The following RAD51B variants were observed in gnomAD, a reference collection of about 807,000 sequenced individuals.
RAD51B encodes DNA repair protein RAD51 homolog 2.
A neutral mutation model predicts 42.2 loss-of-function variants in RAD51B; 38 were observed. The ratio of observed to expected loss-of-function variants is 0.90; its 90% CI spans 0.70 to 1.18. RAD51B has a LOEUF of 1.18. RAD51B is among the 50% of genes most tolerant of loss of function. The probability of loss-of-function intolerance (pLI) is 0.00; values close to 1 mark genes in which losing one functional copy is unlikely to be tolerated. For missense variants in RAD51B, 373 were observed against 400.7 expected (o/e 0.93, Z 0.59); for synonymous variants, 154 against 145.2 (o/e 1.06, Z -0.43).
At chr14:68,649,628 G>C (rs1304342720) in intron 10 of RAD51B, among the ~76,000 whole-genome samples, 2 of 152,116 alleles carry the variant, frequency 1.3e-5, no homozygotes, top group East Asian at 3.9e-4. Flanking sequence ...TCAATAATTG[G>C]TCATCGTTGG....
At chr14:68,481,035 T>C (rs766417693), downstream of RAD51B, among the ~76,000 whole-genome samples, 2 of 152,240 alleles carry the variant, frequency 1.3e-5, no homozygotes, top group Non-Finnish European at 2.9e-5. Flanking sequence ...TCTTAGTCCA[T>C]GGTGAAGTCA....
chr14:68,371,394 TG>T (rs773996376), intron 8 of RAD51B, among the ~76,000 whole-genome samples: 1 of 152,172 alleles, frequency 6.6e-6, no homozygotes, highest in Non-Finnish European at 1.5e-5. Context: ...GGTGCATGCC[TG>T]TAGTCCTAGC....
intron 7 of RAD51B, among the ~76,000 whole-genome samples, chr14:67,930,559 C>T (rs1303280140): frequency 6.6e-6 from 1 of 152,132 alleles, no homozygotes; most frequent in Non-Finnish European, 1.5e-5. Context: ...GCTGAGAAGT[C>T]TCCTGTTGAT....
At chr14:68,562,698 A>T in intron 10 of RAD51B, 1 of 985,434 alleles carries the variant, frequency 1.0e-6, no homozygotes, top group African/African-American at 1.7e-5. Flanking sequence ...CTGACTTGTT[A>T]GAGTGGCCAT....
intron 10 of RAD51B, among the ~76,000 whole-genome samples, chr14:68,625,848 C>T (rs1373247685): frequency 6.6e-6 from 1 of 152,152 alleles, no homozygotes; most frequent in East Asian, 1.9e-4. Flanking sequence ...CAGGGCTGCC[C>T]CGCAAGAAGC....
intron 10 of RAD51B, among the ~76,000 whole-genome samples, chr14:68,570,118 C>A (rs1021436790): frequency 6.6e-6 from 1 of 152,184 alleles, no homozygotes; most frequent in Non-Finnish European, 1.5e-5. Flanking sequence ...ACAGAACAGG[C>A]TGTGCCAGCG....
chr14:68,504,616 G>A (rs1418705900), intron 10 of RAD51B, among the ~76,000 whole-genome samples: 1 of 151,228 alleles, frequency 6.6e-6, no homozygotes, highest in Non-Finnish European at 1.5e-5. Context: ...GCTAGAGATG[G>A]GAAAGGAAAC....
intron 7 of RAD51B, among the ~76,000 whole-genome samples, chr14:67,964,228 C>T (rs1448682398): frequency 6.6e-6 from 1 of 152,098 alleles, no homozygotes; most frequent in Non-Finnish European, 1.5e-5. Flanking sequence ...GAGATCAGTA[C>T]TGCAGCCATT....
In RAD51B at chr14:68,512,133, G is replaced by A. The variant is rs144826175; in HGVS notation, c.1036+43883G>A. The stretch of plus-strand genomic sequence containing the variant: ...TTGAGTGTGCCTTTCAGATGAGTGC[G>A]AAATATCATTGTCAGATAAAGGGGT... On this transcript the variant is annotated intron_variant, in intron 10 of 10. Transcript: ENST00000487270. Among the ~76,000 whole-genome samples, 15 of 152,288 alleles carry A rather than the reference G, an allele frequency of 9.8e-5. No homozygotes were observed. In the East Asian group the frequency reaches 1.9e-3, roughly 20 times the overall value.
At chr14:68,573,640 G>C (rs1377989890) in intron 10 of RAD51B, among the ~76,000 whole-genome samples, 1 of 152,196 alleles carries the variant, frequency 6.6e-6, no homozygotes, top group African/African-American at 2.4e-5. Flanking sequence ...AGCTTCAGGA[G>C]GGCAGCACCC....
At chr14:68,661,720 G>A (rs949102377) in intron 11 of RAD51B, among the ~76,000 whole-genome samples, 2 of 152,122 alleles carry the variant, frequency 1.3e-5, no homozygotes, top group African/African-American at 2.4e-5. Context: ...GAGACAACAC[G>A]CCCTCCTTTT....
intron 7 of RAD51B, among the ~76,000 whole-genome samples, chr14:68,201,985 A>G (rs572397580): frequency 4.6e-5 from 7 of 152,340 alleles, no homozygotes; most frequent in African/African-American, 1.7e-4. Flanking sequence ...GACCACCACA[A>G]TAAAGTGAAT....
intron 8 of RAD51B, among the ~76,000 whole-genome samples, chr14:68,385,550 T>C (rs897803986): frequency 1.3e-5 from 2 of 152,218 alleles, no homozygotes; most frequent in African/African-American, 4.8e-5. Context: ...CCCAAGACTA[T>C]ACGAGAAGGG....
chr14:68,268,480 T>C (rs774161412), intron 7 of RAD51B, among the ~76,000 whole-genome samples: 1 of 152,150 alleles, frequency 6.6e-6, no homozygotes, highest in Non-Finnish European at 1.5e-5. Flanking sequence ...TGGATGACCT[T>C]TGTCTTATAG....
At chr14:68,363,671 G>T (rs967637418) in intron 8 of RAD51B, among the ~76,000 whole-genome samples, 2 of 152,160 alleles carry the variant, frequency 1.3e-5, no homozygotes, top group African/African-American at 4.8e-5. Flanking sequence ...GGGTTGGGCC[G>T]GTATCATCTC....
intron 7 of RAD51B, among the ~76,000 whole-genome samples, chr14:68,289,001 A>G (rs1003458381): frequency 2.0e-5 from 3 of 152,182 alleles, no homozygotes; most frequent in Non-Finnish European, 2.9e-5. Flanking sequence ...TTAAATGACT[A>G]TATTTTTCTT....
intron 10 of RAD51B, among the ~76,000 whole-genome samples, chr14:68,505,645 G>A (rs1885261362): frequency 6.8e-6 from 1 of 147,458 alleles, no homozygotes; most frequent in African/African-American, 2.5e-5. Context: ...CTACCTCTCT[G>A]GTTCAAGCAA....
At chr14:68,191,384 A>G (rs2079264344) in intron 7 of RAD51B, among the ~76,000 whole-genome samples, 2 of 152,210 alleles carry the variant, frequency 1.3e-5, no homozygotes, top group East Asian at 1.9e-4. Flanking sequence ...ACAACCCAAT[A>G]AAAGGTAACT....
chr14:68,429,426 G>A (rs968397380), intron 9 of RAD51B, among the ~76,000 whole-genome samples: 4 of 152,138 alleles, frequency 2.6e-5, no homozygotes, highest in Admixed American at 1.3e-4. Context: ...GTTGTTTCCT[G>A]ACTTTTTAAT....
Sources: gnomAD v4.1 joint callset for allele counts (sites outside exome capture counted in the v4.1 genomes callset) on GRCh38, gnomAD v4.1.1 for gene constraint, MANE v1.5 for transcripts, NCBI Gene and HGNC (gene_info 2026-07-23, HGNC 2026-07-21) for gene names.